The following AREL1 variants were observed in gnomAD, a reference collection of about 807,000 sequenced individuals.
AREL1 encodes apoptosis-resistant E3 ubiquitin protein ligase 1.
AREL1 carries 62 observed loss-of-function variants against 99.0 expected under a neutral mutation model. That is an observed-to-expected ratio of 0.63 (90% CI 0.51 to 0.77). The LOEUF (loss-of-function observed/expected upper bound fraction) is 0.77, where lower values mean the gene tolerates loss of function less well. AREL1 is among the 30% of genes least tolerant of loss of function. AREL1 has a pLI of 0.00. For synonymous variants in AREL1, 380 were observed against 376.5 expected (o/e 1.01, Z -0.11); for missense variants, 879 against 1,027.6 (o/e 0.86, Z 1.98).
At chr14:74,668,702 T>G (rs1207486539) in intron 15 of AREL1, among the ~76,000 whole-genome samples, 1 of 152,096 alleles carries the variant, frequency 6.6e-6, no homozygotes, top group African/African-American at 2.4e-5. Flanking sequence ...GATATCTGAT[T>G]ATCAGTATAG....
intron 1 of AREL1, among the ~76,000 whole-genome samples, chr14:74,704,769 C>T (rs1178740354): frequency 6.6e-6 from 1 of 151,976 alleles, no homozygotes; most frequent in African/African-American, 2.4e-5. Context: ...TGATGAAAGC[C>T]AACATAAATT....
chr14:74,670,702 C>G, intron 13 of AREL1, 60 bp downstream of exon 13: 4 of 1,446,652 alleles, frequency 2.8e-6, no homozygotes, highest in Non-Finnish European at 3.9e-6. Context: ...ATTTTGAATC[C>G]TTGTTAGTCT....
chr14:74,701,688 C>A (rs1268960754), intron 1 of AREL1: 1 of 152,206 alleles, frequency 6.6e-6, no homozygotes, highest in Non-Finnish European at 1.5e-5. Context: ...CCAATCATGC[C>A]TTCCCAACAG....
At chr14:74,676,439 T>C (rs1016561252) in intron 6 of AREL1, 118 bp from the exon 7 acceptor site, 8 of 1,425,454 alleles carry the variant, frequency 5.6e-6, no homozygotes, top group East Asian at 2.3e-5. Context: ...AAATTACTAA[T>C]GAGACAGGTA....
At chr14:74,668,035 T>G (rs1205547721) in intron 15 of AREL1, among the ~76,000 whole-genome samples, 1 of 152,204 alleles carries the variant, frequency 6.6e-6, no homozygotes, top group Admixed American at 6.5e-5. Context: ...CACACATTCT[T>G]TTATCTCTAA....
At chr14:74,700,767 G>A (rs375845594) in intron 1 of AREL1, among the ~76,000 whole-genome samples, 46 of 152,296 alleles carry the variant, frequency 3.0e-4, no homozygotes, top group African/African-American at 9.1e-4. Flanking sequence ...GCGACAGAGC[G>A]AGAGTCCCTC....
chr14:74,663,090 A>C lies in AREL1; in HGVS notation c.*630T>G, dbSNP rs950865923. ...TAATAATCATTTCCAGAAATGCCCG[A>C]AGGGAAAGTGCTTTTTCCAGTTCTG... is the stretch of plus-strand genomic sequence containing the variant. On this transcript the variant is annotated 3_prime_UTR_variant, in exon 20 of 20. Transcript: ENST00000356357. The C allele has an allele frequency of 1.3e-5, 2 of 157,372 alleles. No individual in the cohort carries two copies. The highest frequency in any genetic ancestry group is 4.8e-5 in the African/African-American group (2 of 41,652). 9.7% of individuals were successfully genotyped at this position (157,372 alleles called of 1,614,324 possible). A position where few individuals can be genotyped will look rare whatever the true frequency, so the allele number is the denominator to read the frequency against.
At position 74,700,742 on chromosome 14, in the gene AREL1, T is replaced by C. The variant is rs570747520; in HGVS notation, c.-333-8414A>G. ...TTGCAGTAAGCTGAGATCATGCTAC[T>C]GCACTCCAGTCTGGGCGACAGAGCG... On this transcript the variant is annotated intron_variant, in intron 1 of 19. Transcript: ENST00000356357. 2.6e-5 allele frequency among the ~76,000 whole-genome samples: 4 copies of C among 152,310 alleles called. No homozygotes were observed. In the South Asian group the frequency reaches 6.2e-4, roughly 24 times the overall value.
chr14:74,676,245 A>G lies in AREL1; in HGVS notation c.728T>C (p.Val243Ala). 1 of 1,614,136 alleles carries G rather than the reference A, an allele frequency of 6.2e-7. No homozygotes were observed. The highest frequency in any genetic ancestry group is 1.1e-5 in the South Asian group (1 of 91,076). The change falls in exon 7 of 20, where the codon GTG (valine) becomes GCG (alanine). Residue 243 changes from valine (V) to alanine (A), a missense_variant. By Grantham distance (64) the Val-to-Ala change is moderately conservative. Coordinates refer to ENST00000356357, the MANE Select transcript of AREL1 (RefSeq NM_001039479.2). ...SVTSNRQTFQ[V>A]FLRLTLHSRG... ...AGAATGCAGGGTGAGTCGCAAGAAC[A>G]CCTGGAAAGTCTGCCTGTTGGATGT...
In AREL1 at chr14:74,682,304, C is replaced by T. The variant is rs2089648343; in HGVS notation, c.481+992G>A. On this transcript the variant is annotated intron_variant, in intron 5 of 19. Coordinates refer to ENST00000356357, the MANE Select transcript of AREL1 (RefSeq NM_001039479.2). ...TTCACTTCAAAAGTTACCCAGGGACCCCAGGTCCTATTATTTCTGTGGATA... is the reference window on the plus strand; with the variant it reads ...TTCACTTCAAAAGTTACCCAGGGACTCCAGGTCCTATTATTTCTGTGGATA... Among the ~76,000 whole-genome samples the T allele has an allele frequency of 2.0e-5, 3 of 152,168 alleles. No homozygotes were observed. In the South Asian group the frequency reaches 6.2e-4, roughly 31 times the overall value.
At chr14:74,677,281 G>C (rs1460509681) in intron 5 of AREL1, among the ~76,000 whole-genome samples, 1 of 151,532 alleles carries the variant, frequency 6.6e-6, no homozygotes, top group East Asian at 2.0e-4. Flanking sequence ...AATCCCTTAA[G>C]GATCCCTTAA....
intron 1 of AREL1, among the ~76,000 whole-genome samples, chr14:74,698,263 T>A (rs370553304): frequency 3.9e-5 from 6 of 152,196 alleles, no homozygotes; most frequent in African/African-American, 1.4e-4. Context: ...TAAATGATAT[T>A]ATTTTTCTGC....
At chr14:74,672,392 TTATAAG>T (rs1431319677) in intron 11 of AREL1, among the ~76,000 whole-genome samples, 3 of 152,220 alleles carry the variant, frequency 2.0e-5, no homozygotes, top group Non-Finnish European at 4.4e-5. Flanking sequence ...TATCTGTCTT[TTATAAG>T]TATATCTATA....
intron 13 of AREL1, 190 bp downstream of exon 13, chr14:74,670,572 C>T: frequency 7.3e-6 from 4 of 544,350 alleles, no homozygotes; most frequent in African/African-American, 1.9e-5. Context: ...TGCATTTTTG[C>T]TTATTTTACA....
chr14:74,684,360 G>A, intron 4 of AREL1, 94 bp downstream of exon 4: 10 of 1,124,094 alleles, frequency 8.9e-6, no homozygotes, highest in African/African-American at 1.6e-5. Flanking sequence ...TGAAAAACAA[G>A]AGAAAATGTT....
At chr14:74,690,112 G>C (rs73301921) in intron 2 of AREL1, among the ~76,000 whole-genome samples, 4 of 151,544 alleles carry the variant, frequency 2.6e-5, no homozygotes, top group African/African-American at 7.3e-5. Flanking sequence ...TTAGCTGGGC[G>C]TGCTGGCACA....
chr14:74,675,193 G>A (rs2089443926), intron 8 of AREL1, among the ~76,000 whole-genome samples: 1 of 152,072 alleles, frequency 6.6e-6, no homozygotes, highest in Non-Finnish European at 1.5e-5. Flanking sequence ...TCCAAATTAA[G>A]GCTAGATTTT....
chr14:74,668,650 G>A (rs1455851681), intron 15 of AREL1, among the ~76,000 whole-genome samples: 1 of 152,114 alleles, frequency 6.6e-6, no homozygotes, highest in African/African-American at 2.4e-5. Context: ...AATCCCATGT[G>A]TACAAAGGCA....
At chr14:74,696,421 T>C (rs1452262870) in intron 1 of AREL1, among the ~76,000 whole-genome samples, 1 of 152,240 alleles carries the variant, frequency 6.6e-6, no homozygotes, top group Non-Finnish European at 1.5e-5. Flanking sequence ...CATACAATCA[T>C]GCTTGCATTT....
Sources: allele counts gnomAD v4.1 joint callset (sites outside exome capture counted in the v4.1 genomes callset), GRCh38; gene constraint gnomAD v4.1.1; transcripts MANE v1.5; gene names NCBI Gene and HGNC (gene_info 2026-07-23, HGNC 2026-07-21).